The following IRAG2 variants were observed in gnomAD, a reference collection of about 807,000 sequenced individuals.
IRAG2 encodes inositol 1,4,5-triphosphate receptor associated 2.
In IRAG2, 45 loss-of-function variants were observed where a neutral mutation model predicts 69.9. The ratio of observed to expected loss-of-function variants is 0.64; its 90% CI spans 0.51 to 0.83. The LOEUF (loss-of-function observed/expected upper bound fraction) is 0.83. IRAG2 is among the 40% of genes least tolerant of loss of function. The probability of loss-of-function intolerance (pLI) is 0.00; values close to 1 mark genes in which losing one functional copy is unlikely to be tolerated. For missense variants in IRAG2, 520 were observed against 587.0 expected (o/e 0.89, Z 1.18); for synonymous variants, 193 against 202.4 (o/e 0.95, Z 0.40).
chr12:25,070,585 T>A (rs1231763620), intron 6 of IRAG2, among the ~76,000 whole-genome samples: 2 of 152,254 alleles, frequency 1.3e-5, no homozygotes, highest in Admixed American at 1.3e-4. Context: ...CTATTGCAAG[T>A]GATGCTATTA....
intron 19 of IRAG2, 78 bp from the exon 20 acceptor site, chr12:25,104,279 TTTAC>T: frequency 1.0e-6 from 1 of 1,003,212 alleles, no homozygotes; most frequent in Non-Finnish European, 1.6e-6. Context: ...TAATTTTGTA[TTTAC>T]TTAAGCAGTA....
exon 1 of IRAG2, chr12:25,004,764 A>C (rs1392845946): frequency 8.1e-7 from 1 of 1,232,052 alleles, no homozygotes; most frequent in Non-Finnish European, 1.0e-6. Flanking sequence ...TCAGAAAAGC[A>C]GAGTTTTTCT....
At chr12:25,039,804 T>C (rs1944733222) in intron 16 of IRAG2, among the ~76,000 whole-genome samples, 1 of 152,212 alleles carries the variant, frequency 6.6e-6, no homozygotes, top group Admixed American at 6.5e-5. Context: ...TGAGTGAATC[T>C]TCTGTATTGT....
chr12:25,096,939 C>A lies in IRAG2; in HGVS notation c.636C>A (p.Asn212Lys), dbSNP rs1384667309. 8 of 1,613,508 alleles carry A rather than the reference C, an allele frequency of 5.0e-6. No homozygotes were observed. The highest frequency in any genetic ancestry group is 5.9e-6 in the Non-Finnish European group (7 of 1,179,654). ...ESLTPLCEDD[N>K]QAQEIIKKLE... ...TAACACCTCTGTGTGAAGATGACAACCAGGCACAGGAAATCATTAAGAAGC... is the reference window on the plus strand; with the variant it reads ...TAACACCTCTGTGTGAAGATGACAAACAGGCACAGGAAATCATTAAGAAGC... Residue 212 changes from asparagine to lysine, a missense_variant, in exon 15 of 22, where the codon AAC becomes AAA. Physicochemically the swap from Asn to Lys is moderately conservative, Grantham distance 94. Transcript: ENST00000556887.
At chr12:25,005,211 T>C in intron 1 of IRAG2, 1 of 1,038,326 alleles carries the variant, frequency 9.6e-7, no homozygotes, top group Non-Finnish European at 1.2e-6. Context: ...ACAGAAAGCA[T>C]CAGGATTTAC....
At chr12:25,060,668 CTT>C (rs753591747) in intron 1 of IRAG2, among the ~76,000 whole-genome samples, 1,700 of 99,286 alleles carry the variant, frequency 0.017, 30 homozygotes, top group African/African-American at 0.059. Context: ...AATGTATTTT[CTT>C]TTTTTTTTTT....
upstream of IRAG2, among the ~76,000 whole-genome samples, chr12:25,051,674 A>G (rs1047407691): frequency 2.6e-5 from 4 of 152,170 alleles, no homozygotes; most frequent in South Asian, 8.3e-4. Flanking sequence ...AGAGGACTAA[A>G]GTAGAAATAT....
intron 13 of IRAG2, among the ~76,000 whole-genome samples, chr12:25,034,536 G>A (rs982693303): frequency 1.3e-5 from 2 of 152,202 alleles, no homozygotes; most frequent in Admixed American, 6.5e-5. Context: ...AACATGGGAA[G>A]AAATATTTTA....
intron 17 of IRAG2, chr12:25,102,460 T>C: frequency 1.9e-6 from 1 of 530,264 alleles, no homozygotes; most frequent in South Asian, 2.3e-5. Flanking sequence ...AACAATGGTT[T>C]CTCTCTGTTG....
intron 2 of IRAG2, chr12:25,005,396 C>A: frequency 1.2e-6 from 1 of 852,114 alleles, no homozygotes; most frequent in South Asian, 5.9e-5. Flanking sequence ...GTAGGACTGT[C>A]CAAGTCATCT....
At chr12:25,100,793 G>A (rs1468316613) in intron 15 of IRAG2, 2 of 153,980 alleles carry the variant, frequency 1.3e-5, no homozygotes, top group African/African-American at 2.4e-5. Context: ...TGCTGTGCTG[G>A]CCACAGTAAG....
intron 6 of IRAG2, among the ~76,000 whole-genome samples, chr12:25,073,139 G>GA (rs1330979666): frequency 2.6e-5 from 4 of 152,042 alleles, no homozygotes; most frequent in Non-Finnish European, 2.9e-5. Flanking sequence ...ATCCAACTCA[G>GA]AAAAAAACTA....
At chr12:25,020,473 A>G (rs748648301) in intron 6 of IRAG2, among the ~76,000 whole-genome samples, 6 of 152,024 alleles carry the variant, frequency 3.9e-5, no homozygotes, top group Non-Finnish European at 8.8e-5. Context: ...ATTAACTAAC[A>G]TTACATCTTC....
At chr12:25,026,415 A>G (rs745315606) in intron 8 of IRAG2, among the ~76,000 whole-genome samples, 5 of 152,200 alleles carry the variant, frequency 3.3e-5, no homozygotes, top group Non-Finnish European at 5.9e-5. Flanking sequence ...ATGATTGCCC[A>G]GGGAAGAACT....
chr12:25,102,135 C>A, intron 16 of IRAG2, 63 bp from the exon 17 acceptor site: 1 of 1,274,954 alleles, frequency 7.8e-7, no homozygotes, highest in Non-Finnish European at 1.1e-6. Context: ...AGAATTAAGA[C>A]GTTGCTTTAA....
chr12:25,077,330 T>TATATATGATATATATGAA, intron 6 of IRAG2, among the ~76,000 whole-genome samples: 1 of 12,252 alleles, frequency 8.2e-5, no homozygotes, highest in Non-Finnish European at 2.9e-4. Context: ...ATATATATGA[T>TATATATGATATATATGAA]ATATATATGA....
rs763526714 is a variant in IRAG2 at position 25,089,633 on chromosome 12, T to C, written c.393T>C (p.Leu131=). 5.0e-6 allele frequency: 8 copies of C among 1,599,962 alleles called. No homozygotes were observed. The Admixed American group carries it at 1.2e-4, about 23-fold the overall frequency. Residue 131 remains leucine, a synonymous_variant, in exon 12 of 22, where the codon CTT becomes CTC. Transcript: ENST00000556887. ...HASGDSVVSP[L]PVTTVKSVNL... ...TAATAGACTCTGTGGTTTCCCCTCTTCCTGTAACCACTGTGAAATCGGTTA... is the reference window on the plus strand; with the variant it reads ...TAATAGACTCTGTGGTTTCCCCTCTCCCTGTAACCACTGTGAAATCGGTTA...
intron 8 of IRAG2, among the ~76,000 whole-genome samples, chr12:25,025,736 G>A (rs1201557126): frequency 3.3e-5 from 5 of 152,192 alleles, no homozygotes; most frequent in Non-Finnish European, 5.9e-5. Context: ...TGCAGTGGAG[G>A]TGGACAGAAG....
upstream of IRAG2, among the ~76,000 whole-genome samples, chr12:25,003,403 T>A (rs925714736): frequency 2.0e-5 from 3 of 152,136 alleles, no homozygotes; most frequent in Admixed American, 2.0e-4. Context: ...CTGGAGTACC[T>A]GTGGTGACAC....
Sources: gnomAD v4.1 joint callset for allele counts (sites outside exome capture counted in the v4.1 genomes callset) on GRCh38, gnomAD v4.1.1 for gene constraint, MANE v1.5 for transcripts, NCBI Gene and HGNC (gene_info 2026-07-23, HGNC 2026-07-21) for gene names.